The following PRKAG2 variants were observed in gnomAD, a reference collection of about 807,000 sequenced individuals.
PRKAG2 encodes 5'-AMP-activated protein kinase subunit gamma-2.
Under a neutral mutation model 69.6 loss-of-function variants are expected in PRKAG2, and 26 were observed. The observed-to-expected ratio is 0.37, with a 90% CI of 0.27 to 0.52. The LOEUF (loss-of-function observed/expected upper bound fraction) is 0.52, where lower values mean the gene tolerates loss of function less well. PRKAG2 is among the 20% of genes least tolerant of loss of function. PRKAG2 has a pLI of 0.90. For missense variants in PRKAG2, 557 were observed against 740.0 expected, an observed-to-expected ratio of 0.75 and a Z score of 2.87; for synonymous variants, 293 against 285.0, an observed-to-expected ratio of 1.03 and a Z score of -0.28.
intron 3 of PRKAG2, among the ~76,000 whole-genome samples, chr7:151,681,546 T>A (rs1190216453): frequency 2.0e-5 from 3 of 152,074 alleles, no homozygotes; most frequent in Non-Finnish European, 4.4e-5. Flanking sequence ...ATACCCGAAA[T>A]GTTTTTAAGA....
rs984133655 is a variant in PRKAG2 at position 151,638,630 on chromosome 7, C to T, written c.685-6492G>A. ...GCTTGGCGACAGAGTGAGACTCTGT[C>T]TCAAAAAAAAAAGCTAAATTATTAA... On this transcript the variant is annotated intron_variant, in intron 4 of 15. Coordinates refer to ENST00000287878, the MANE Select transcript of PRKAG2 (RefSeq NM_016203.4). The surrounding 1 kb of genome is among the most constrained non-coding windows in gnomAD (Gnocchi z 4.3). Among the ~76,000 whole-genome samples the T allele has an allele frequency of 6.6e-6, 1 of 150,936 alleles. No homozygotes were observed. Among genetic ancestry groups the T allele is most frequent in the African/African-American group, 2.4e-5 (1 of 40,828 alleles).
chr7:151,647,267 C>T (rs1827727460), intron 4 of PRKAG2, among the ~76,000 whole-genome samples: 1 of 152,202 alleles, frequency 6.6e-6, no homozygotes, highest in East Asian at 1.9e-4. Context: ...ATGGATGATA[C>T]AATAGATGTC....
Position 151,814,820 on chromosome 7 carries a change from C to G in PRKAG2, c.115-28279G>C. The stretch of plus-strand genomic sequence containing the variant: ...CGGGCAGATTCCCCCATTGACGGGA[C>G]TGCAGCAAACTGTCATTCCCACCTG... On this transcript the variant is annotated intron_variant, in intron 1 of 15. Transcript: ENST00000287878. The surrounding 1 kb of genome is among the most constrained non-coding windows in gnomAD (Gnocchi z 4.8). The G allele has an allele frequency of 6.5e-6, 8 of 1,231,856 alleles. No homozygotes were observed. The allele number at this position is 1,231,856 out of a possible 1,614,324, so 76.3% of individuals were successfully genotyped here.
intron 1 of PRKAG2, among the ~76,000 whole-genome samples, chr7:151,859,523 G>A (rs1417752627): frequency 6.6e-6 from 1 of 152,214 alleles, no homozygotes; most frequent in Non-Finnish European, 1.5e-5. Flanking sequence ...CACTTAAAGG[G>A]CCATGGGATT....
intron 14 of PRKAG2, among the ~76,000 whole-genome samples, chr7:151,562,582 C>T (rs897218957): frequency 6.6e-6 from 1 of 152,166 alleles, no homozygotes; most frequent in Non-Finnish European, 1.5e-5. Flanking sequence ...TGTGATATAA[C>T]ACAGCACAAT....
At chr7:151,705,248 A>AAT in intron 3 of PRKAG2, among the ~76,000 whole-genome samples, 1 of 152,298 alleles carries the variant, frequency 6.6e-6, no homozygotes, top group Middle Eastern at 3.4e-3. Context: ...GTTGGCTGAG[A>AAT]ATATCAGGCT....
At chr7:151,691,192 G>A (rs1323658014) in intron 3 of PRKAG2, among the ~76,000 whole-genome samples, 1 of 152,056 alleles carries the variant, frequency 6.6e-6, no homozygotes, top group Non-Finnish European at 1.5e-5. Context: ...ACACCCTCCT[G>A]TATACTTTAA....
intron 2 of PRKAG2, among the ~76,000 whole-genome samples, chr7:151,782,967 C>T (rs374909371): frequency 5.9e-5 from 9 of 152,346 alleles, no homozygotes; most frequent in African/African-American, 9.6e-5. Context: ...AAATACTGCC[C>T]TCGGGCGGCC....
chr7:151,684,207 G>A (rs754441897), intron 3 of PRKAG2, among the ~76,000 whole-genome samples: 1 of 152,130 alleles, frequency 6.6e-6, no homozygotes, highest in East Asian at 1.9e-4. Flanking sequence ...TCCCCTCGTC[G>A]CTCCAGGCCT....
chr7:151,762,711 C>G (rs2075490765), intron 3 of PRKAG2, among the ~76,000 whole-genome samples: 1 of 152,196 alleles, frequency 6.6e-6, no homozygotes, highest in African/African-American at 2.4e-5. Flanking sequence ...TGCAGGATTG[C>G]CATGTGTTCA....
At chr7:151,823,922 T>C (rs2151867517) in intron 1 of PRKAG2, among the ~76,000 whole-genome samples, 1 of 152,320 alleles carries the variant, frequency 6.6e-6, no homozygotes, top group South Asian at 2.1e-4. Flanking sequence ...ATTGAAATAT[T>C]CTGCTAAGTA....
intron 3 of PRKAG2, among the ~76,000 whole-genome samples, chr7:151,772,984 T>TGAATGAATGAATGAAAGAAAGAAA (rs2076091050): frequency 2.8e-5 from 2 of 71,832 alleles, no homozygotes; most frequent in African/African-American, 1.3e-4. Context: ...TCTAAATGAA[T>TGAATGAATGAATGAAAGAAAGAAA]GAAAGAAAGA....
rs1350160068 is a variant in PRKAG2 at position 151,766,471 on chromosome 7, A to G, written c.466+14681T>C. The stretch of plus-strand genomic sequence containing the variant: ...TAACAACAGACATGTTCATCTCACT[A>G]AAAAGGAGAAAACCAAAGGCGAGGC... On this transcript the variant is annotated intron_variant, in intron 3 of 15. Transcript: ENST00000287878. Among the ~76,000 whole-genome samples, 3 of 152,202 alleles carry G rather than the reference A, an allele frequency of 2.0e-5. No homozygotes were observed. The East Asian group carries it at 5.8e-4, about 29-fold the overall frequency.
chr7:151,631,019 T>C (rs968803898), intron 5 of PRKAG2, among the ~76,000 whole-genome samples: 4 of 152,238 alleles, frequency 2.6e-5, no homozygotes, highest in Admixed American at 1.3e-4. Context: ...GCTAATTCTA[T>C]TGGGTTAACA....
chr7:151,821,060 A>AAGAGAGAGCCTCCAACCCCACG (rs1477772718), intron 1 of PRKAG2, among the ~76,000 whole-genome samples: 1 of 152,288 alleles, frequency 6.6e-6, no homozygotes. Flanking sequence ...AAAGCTGTGG[A>AAGAGAGAGCCTCCAACCCCACG]GACAGGGAAC....
At chr7:151,758,303 T>C (rs1267988207) in intron 3 of PRKAG2, among the ~76,000 whole-genome samples, 1 of 152,202 alleles carries the variant, frequency 6.6e-6, no homozygotes, top group Non-Finnish European at 1.5e-5. Context: ...TCTCACTCCC[T>C]AAAAGCTACC....
intron 3 of PRKAG2, among the ~76,000 whole-genome samples, chr7:151,779,892 T>C (rs80039831): frequency 0.042 from 6,460 of 152,208 alleles, 254 homozygotes; most frequent in East Asian, 0.22. Context: ...CCCTCATCTC[T>C]AGACGATGTT....
chr7:151,790,206 C>T (rs932125731), intron 1 of PRKAG2, among the ~76,000 whole-genome samples: 8 of 152,182 alleles, frequency 5.3e-5, no homozygotes, highest in Non-Finnish European at 8.8e-5. Flanking sequence ...CAAGCCCTTT[C>T]CTTCCTCTGA....
intron 3 of PRKAG2, among the ~76,000 whole-genome samples, chr7:151,712,154 C>T (rs1314229136): frequency 1.3e-5 from 2 of 152,238 alleles, no homozygotes; most frequent in African/African-American, 4.8e-5. Context: ...CATGACTGGG[C>T]GGCTCAGTGT....
Sources: allele counts gnomAD v4.1 joint callset (sites outside exome capture counted in the v4.1 genomes callset), GRCh38; gene constraint gnomAD v4.1.1; non-coding constraint Gnocchi (gnomAD v3.1); transcripts MANE v1.5; gene names NCBI Gene and HGNC (gene_info 2026-07-23, HGNC 2026-07-21).